Variants in GLIS3 observed in about 807,000 individuals in gnomAD.
GLIS3 encodes the protein GLIS family zinc finger 3.
A neutral mutation model predicts 78.6 loss-of-function variants in GLIS3; 53 were observed. That is an observed-to-expected ratio of 0.67 (90% CI 0.54 to 0.85). The LOEUF is 0.85. Among genes scored for constraint, GLIS3 ranks in the 40% least tolerant of loss-of-function variants. The pLI is 0.00. For missense variants in GLIS3, 1,703 were observed against 1,231.1 expected, an observed-to-expected ratio of 1.38 and a Z score of -5.74; for synonymous variants, 684 against 509.9, an observed-to-expected ratio of 1.34 and a Z score of -4.60.
chr9:4,167,331 A>G (rs1815950938), intron 2 of GLIS3, among the ~76,000 whole-genome samples: 1 of 152,186 alleles, frequency 6.6e-6, no homozygotes, highest in Admixed American at 6.5e-5. Context: ...AATTCTTGGG[A>G]ATTTTTTTTT....
the GLIS3 span, among the ~76,000 whole-genome samples, chr9:4,435,677 C>T: frequency 5.9e-5 from 9 of 152,234 alleles, no homozygotes; most frequent in African/African-American, 1.2e-4. Context: ...AGGCCAGGCG[C>T]GGTGGCTCAC....
At chr9:4,252,058 T>C (rs182214481) in intron 2 of GLIS3, among the ~76,000 whole-genome samples, 42 of 152,306 alleles carry the variant, frequency 2.8e-4, no homozygotes, top group African/African-American at 9.4e-4. Context: ...CATTTCAACC[T>C]TGGTGAATCT....
At chr9:4,189,691 A>G (rs1297682237) in intron 2 of GLIS3, among the ~76,000 whole-genome samples, 2 of 152,166 alleles carry the variant, frequency 1.3e-5, no homozygotes, top group South Asian at 2.1e-4. Flanking sequence ...TACTGGGTGC[A>G]TATATATTTA....
the GLIS3 span, among the ~76,000 whole-genome samples, chr9:4,407,441 C>T: frequency 5.3e-5 from 8 of 152,134 alleles, no homozygotes; most frequent in Admixed American, 2.6e-4. Context: ...GTCAGGAGAT[C>T]GAGACCATCC....
intron 2 of GLIS3, among the ~76,000 whole-genome samples, chr9:4,171,369 G>A (rs1816360655): frequency 6.6e-6 from 1 of 152,112 alleles, no homozygotes; most frequent in African/African-American, 2.4e-5. Context: ...TGCTTAGAGA[G>A]AGATTAGATT....
the GLIS3 span, among the ~76,000 whole-genome samples, chr9:4,480,200 C>CTTTTT: frequency 7.2e-4 from 68 of 93,868 alleles, no homozygotes; most frequent in Non-Finnish European, 9.6e-4. Context: ...GCTGGGCTTT[C>CTTTTT]TTTTTTTTTT....
At chr9:4,428,755 A>T in the GLIS3 span, among the ~76,000 whole-genome samples, 3 of 152,146 alleles carry the variant, frequency 2.0e-5, no homozygotes, top group Admixed American at 1.3e-4. Flanking sequence ...AGATATTTCT[A>T]TAGAGACATT....
At chr9:3,875,783 A>G (rs576590963) in intron 8 of GLIS3, among the ~76,000 whole-genome samples, 1 of 152,180 alleles carries the variant, frequency 6.6e-6, no homozygotes, top group Non-Finnish European at 1.5e-5. Context: ...GATGGGGCAC[A>G]CGTCCAGTAG....
chr9:4,281,908 C>A (rs758339342), intron 2 of GLIS3, among the ~76,000 whole-genome samples: 8 of 152,140 alleles, frequency 5.3e-5, no homozygotes, highest in Non-Finnish European at 1.0e-4. Context: ...CCTGTGACTC[C>A]CAAAGTTCAC....
At chr9:4,065,171 A>C (rs10758550) in intron 4 of GLIS3, among the ~76,000 whole-genome samples, 78,210 of 151,904 alleles carry the variant, frequency 0.51, 23,404 homozygotes, top group South Asian at 0.7. Context: ...GGAGTTTACA[A>C]ACCAGCCCTT....
At chr9:3,952,892 G>A (rs10974256) in intron 4 of GLIS3, among the ~76,000 whole-genome samples, 47,831 of 151,956 alleles carry the variant, frequency 0.31, 7,811 homozygotes, top group Middle Eastern at 0.44. Flanking sequence ...GCCACACTTC[G>A]TTTAGCAAGG....
At chr9:4,432,030 G>C in the GLIS3 span, among the ~76,000 whole-genome samples, 1 of 152,104 alleles carries the variant, frequency 6.6e-6, no homozygotes, top group African/African-American at 2.4e-5. Flanking sequence ...GACCGATCTG[G>C]CCTGTGAGCC....
At chr9:4,142,523 G>A (rs569345823) in intron 2 of GLIS3, among the ~76,000 whole-genome samples, 5 of 152,222 alleles carry the variant, frequency 3.3e-5, no homozygotes, top group African/African-American at 1.2e-4. Context: ...GCCAGGATGT[G>A]GTCTCCTGTG....
At chr9:4,389,032 A>G in the GLIS3 span, among the ~76,000 whole-genome samples, 9 of 152,318 alleles carry the variant, frequency 5.9e-5, no homozygotes, top group South Asian at 8.3e-4. Flanking sequence ...AAGCAAGAGC[A>G]CTTAAGCCGA....
the GLIS3 span, among the ~76,000 whole-genome samples, chr9:4,475,929 A>C: frequency 6.6e-6 from 1 of 152,074 alleles, no homozygotes; most frequent in South Asian, 2.1e-4. Context: ...ATTTTTTTGA[A>C]ATACAGATGG....
intron 2 of GLIS3, among the ~76,000 whole-genome samples, chr9:4,144,537 C>T (rs1586799537): frequency 6.6e-6 from 1 of 152,100 alleles, no homozygotes; most frequent in East Asian, 1.9e-4. Flanking sequence ...GCTCATTGGA[C>T]TCTACATGCC....
At chr9:4,402,559 T>C in the GLIS3 span, among the ~76,000 whole-genome samples, 1 of 152,106 alleles carries the variant, frequency 6.6e-6, no homozygotes, top group Non-Finnish European at 1.5e-5. Flanking sequence ...TGAGGAAACT[T>C]GAAGAAATTT....
rs183166920 is a variant in GLIS3, at chr9:4,202,228, G to A, written c.389-76287C>T. On this transcript the variant is annotated intron_variant, in intron 2 of 10. Coordinates refer to ENST00000381971, the MANE Select transcript of GLIS3 (RefSeq NM_001042413.2). ...GACAGTGGCACAATCTCGGCTCACT[G>A]CAAGCTCTGCCTCCTGGGTTCATGC... is the stretch of plus-strand genomic sequence containing the variant. Among the ~76,000 whole-genome samples the A allele has an allele frequency of 5.0e-3, 690 of 137,372 alleles. 2 individuals carry two copies. Among genetic ancestry groups the A allele is most frequent in the Middle Eastern group, 8.7e-3 (2 of 230 alleles). 90.1% of individuals were successfully genotyped at this position (137,372 alleles called of 152,430 possible).
the GLIS3 span, among the ~76,000 whole-genome samples, chr9:4,429,177 T>A: frequency 6.6e-6 from 1 of 152,118 alleles, no homozygotes; most frequent in Non-Finnish European, 1.5e-5. Flanking sequence ...AGAGTTACCT[T>A]TTCATGAAGG....
Sources: gnomAD v4.1 joint callset for allele counts (sites outside exome capture counted in the v4.1 genomes callset) on GRCh38, gnomAD v4.1.1 for gene constraint, MANE v1.5 for transcripts, NCBI Gene and HGNC (gene_info 2026-07-23, HGNC 2026-07-21) for gene names.